Variants in RAB3C observed in about 807,000 individuals in gnomAD.
RAB3C encodes the protein ras-related protein Rab-3C.
Under a neutral mutation model 26.4 loss-of-function variants are expected in RAB3C, and 17 were observed. The ratio of observed to expected loss-of-function variants is 0.64; its 90% CI spans 0.44 to 0.97. The LOEUF is 0.97. Among genes scored for constraint, RAB3C ranks in the 50% least tolerant of loss-of-function variants. The pLI, the probability that RAB3C is intolerant of heterozygous loss-of-function variation, is 0.00. For synonymous variants in RAB3C, 91 were observed against 95.9 expected, an observed-to-expected ratio of 0.95 and a Z score of 0.30; for missense variants, 242 against 281.9, an observed-to-expected ratio of 0.86 and a Z score of 1.01.
chr5:58,673,457 C>T (rs1443787704), intron 2 of RAB3C, among the ~76,000 whole-genome samples: 5 of 103,742 alleles, frequency 4.8e-5, no homozygotes, highest in African/African-American at 1.9e-4. Context: ...TACACACACA[C>T]ACACACACAC....
chr5:58,668,799 G>A (rs574699514), intron 2 of RAB3C, among the ~76,000 whole-genome samples: 2 of 151,984 alleles, frequency 1.3e-5, no homozygotes, highest in African/African-American at 2.4e-5. Flanking sequence ...AGTCACTCAT[G>A]GTCTCCCATG....
intron 3 of RAB3C, among the ~76,000 whole-genome samples, chr5:58,793,954 A>G (rs951066632): frequency 1.2e-4 from 19 of 152,200 alleles, no homozygotes; most frequent in Admixed American, 1.2e-3. Context: ...TAGAATTGGA[A>G]TTTAATTGTT....
At chr5:58,827,730 T>C (rs1018490777) in intron 4 of RAB3C, among the ~76,000 whole-genome samples, 1 of 152,110 alleles carries the variant, frequency 6.6e-6, no homozygotes, top group African/African-American at 2.4e-5. Flanking sequence ...AACCAACACA[T>C]GTGCATTCTT....
At chr5:58,699,801 C>T (rs745519184) in intron 2 of RAB3C, among the ~76,000 whole-genome samples, 8 of 152,196 alleles carry the variant, frequency 5.3e-5, no homozygotes, top group South Asian at 2.1e-4. Context: ...CCTTGTCTGC[C>T]GGTTTCTAAG....
chr5:58,830,507 T>A (rs1317206078), intron 4 of RAB3C, among the ~76,000 whole-genome samples: 1 of 152,196 alleles, frequency 6.6e-6, no homozygotes, highest in Non-Finnish European at 1.5e-5. Flanking sequence ...TGAAACATTA[T>A]AACCTAGCCA....
At chr5:58,787,157 T>G (rs1417701154) in intron 3 of RAB3C, among the ~76,000 whole-genome samples, 1 of 152,196 alleles carries the variant, frequency 6.6e-6, no homozygotes, top group Non-Finnish European at 1.5e-5. Flanking sequence ...ACCTGCCCCA[T>G]GGGAAGCCCC....
intron 1 of RAB3C, among the ~76,000 whole-genome samples, chr5:58,602,803 A>G (rs918533970): frequency 6.6e-6 from 1 of 152,106 alleles, no homozygotes; most frequent in Non-Finnish European, 1.5e-5. Flanking sequence ...GCGATTCTGT[A>G]TCTTTTATTA....
chr5:58,629,320 G>A (rs1457254541), intron 2 of RAB3C, among the ~76,000 whole-genome samples: 1 of 152,146 alleles, frequency 6.6e-6, no homozygotes, highest in African/African-American at 2.4e-5. Flanking sequence ...TAGCTGGACA[G>A]TATAAAGGAA....
At chr5:58,738,466 A>G (rs1204957607) in intron 3 of RAB3C, among the ~76,000 whole-genome samples, 1 of 152,188 alleles carries the variant, frequency 6.6e-6, no homozygotes, top group Non-Finnish European at 1.5e-5. Context: ...TTCGAAACAC[A>G]TGTTAGCAGT....
intron 2 of RAB3C, among the ~76,000 whole-genome samples, chr5:58,664,972 C>A (rs1747975231): frequency 6.6e-6 from 1 of 152,048 alleles, no homozygotes; most frequent in East Asian, 1.9e-4. Flanking sequence ...ATGCCTCCAG[C>A]CTCTGAAATA....
chr5:58,839,420 G>A (rs192106220), intron 4 of RAB3C, among the ~76,000 whole-genome samples: 1 of 150,372 alleles, frequency 6.7e-6, no homozygotes, highest in East Asian at 2.0e-4. Flanking sequence ...GCCCAGGCTG[G>A]AGTGCAATGG....
chr5:58,763,827 C>T (rs73757970), intron 3 of RAB3C, among the ~76,000 whole-genome samples: 2,022 of 152,248 alleles, frequency 0.013, 45 homozygotes, highest in African/African-American at 0.046. Context: ...TATTATAACA[C>T]AGAGAGAATG....
chr5:58,671,746 C>T (rs1240696207), intron 2 of RAB3C, among the ~76,000 whole-genome samples: 1 of 152,102 alleles, frequency 6.6e-6, no homozygotes, highest in Non-Finnish European at 1.5e-5. Context: ...TTTGAGGTTG[C>T]ACTTTTCATT....
At chr5:58,849,775 G>A (rs1186130715) in intron 4 of RAB3C, among the ~76,000 whole-genome samples, 2 of 152,216 alleles carry the variant, frequency 1.3e-5, no homozygotes, top group Non-Finnish European at 2.9e-5. Context: ...CTAAGTTGGA[G>A]ATTTTAACTC....
Position 58,731,514 on chromosome 5 carries a change from T to C in RAB3C, c.371+5394T>C, listed in dbSNP as rs565391818. Among the ~76,000 whole-genome samples the C allele has an allele frequency of 1.8e-4, 28 of 152,232 alleles. No homozygotes were observed. The East Asian group carries it at 5.2e-3, about 28-fold the overall frequency. On this transcript the variant is annotated intron_variant, in intron 3 of 4. Transcript: ENST00000282878. ...TCCTTTGAAACAGAGAAGAAAAAGC[T>C]TTATGTGCTAATAGTTTATTGGGAC...
chr5:58,648,408 C>T (rs1747572771), intron 2 of RAB3C, among the ~76,000 whole-genome samples: 1 of 152,122 alleles, frequency 6.6e-6, no homozygotes, highest in Non-Finnish European at 1.5e-5. Flanking sequence ...AGATCACAAT[C>T]TAATATGTGA....
chr5:58,707,355 A>G (rs560929788), intron 2 of RAB3C, among the ~76,000 whole-genome samples: 1 of 152,346 alleles, frequency 6.6e-6, no homozygotes, highest in South Asian at 2.1e-4. Flanking sequence ...CACATGAAAA[A>G]GAAACTTAGA....
intron 3 of RAB3C, among the ~76,000 whole-genome samples, chr5:58,808,571 C>A (rs1183597300): frequency 6.6e-6 from 1 of 152,160 alleles, no homozygotes; most frequent in Non-Finnish European, 1.5e-5. Flanking sequence ...CCCAAGAATT[C>A]TTTTCAATTT....
At chr5:58,626,711 C>G (rs1343637138) in intron 2 of RAB3C, among the ~76,000 whole-genome samples, 2 of 152,142 alleles carry the variant, frequency 1.3e-5, no homozygotes, top group Non-Finnish European at 2.9e-5. Flanking sequence ...AGCACAATAC[C>G]TGGCATATAG....
Sources: gnomAD v4.1 joint callset for allele counts (sites outside exome capture counted in the v4.1 genomes callset) on GRCh38, gnomAD v4.1.1 for gene constraint, MANE v1.5 for transcripts, NCBI Gene and HGNC (gene_info 2026-07-23, HGNC 2026-07-21) for gene names.